GNAT2: variants seen among roughly 807,000 people sequenced by gnomAD.
GNAT2 encodes G protein subunit alpha transducin 2.
Under a neutral mutation model 40.9 loss-of-function variants are expected in GNAT2, and 32 were observed. The ratio of observed to expected loss-of-function variants is 0.78; its 90% CI spans 0.59 to 1.05. The LOEUF (loss-of-function observed/expected upper bound fraction) is 1.05. GNAT2 is among the 50% of genes least tolerant of loss of function. The probability of loss-of-function intolerance (pLI) is 0.00; values close to 1 mark genes in which losing one functional copy is unlikely to be tolerated. For missense variants in GNAT2, 355 were observed against 431.5 expected, an observed-to-expected ratio of 0.82 and a Z score of 1.57; for synonymous variants, 141 against 157.2, an observed-to-expected ratio of 0.90 and a Z score of 0.77.
chr1:109,606,275 T>C (rs1323544797), intron 6 of GNAT2, 33 bp downstream of exon 6: 2 of 1,611,564 alleles, frequency 1.2e-6, no homozygotes, highest in African/African-American at 2.7e-5. Flanking sequence ...TCCACACGTG[T>C]ATCCGAGATG....
At chr1:109,606,462 G>A in intron 5 of GNAT2, 26 bp from the exon 6 acceptor site, 1 of 1,608,994 alleles carries the variant, frequency 6.2e-7, no homozygotes, top group South Asian at 1.1e-5. Context: ...TAGCATCAAT[G>A]ACAAATTTTC....
chr1:109,603,601 G>T, intron 8 of GNAT2, 57 bp from the exon 9 acceptor site: 1 of 1,151,982 alleles, frequency 8.7e-7, no homozygotes, highest in South Asian at 1.2e-5. Flanking sequence ...GTTAGTTGCT[G>T]ACTCACTTTA....
Position 109,603,231 on chromosome 1 carries a change from A to G in GNAT2, c.*123T>C. On this transcript the variant is annotated 3_prime_UTR_variant, in exon 9 of 9. Coordinates refer to ENST00000679935, the MANE Select transcript of GNAT2 (RefSeq NM_001377295.2). The stretch of plus-strand genomic sequence containing the variant: ...GTATGAAATACAGTTGCAGTCATGT[A>G]TACTCCATCTCCAAAGAATGGATTC... 4.2e-6 allele frequency: 3 copies of G among 710,862 alleles called. No individual in the cohort carries two copies. The South Asian group carries it at 4.5e-5, about 11-fold the overall frequency. The allele number at this position is 710,862 out of a possible 1,614,324, so 44.0% of individuals were successfully genotyped here. A position where few individuals can be genotyped will look rare whatever the true frequency, so the allele number is the denominator to read the frequency against.
Position 109,610,198 on chromosome 1 carries a change from C to G in GNAT2, c.162-17G>C, listed in dbSNP as rs375448326. On this transcript the variant is annotated splice_polypyrimidine_tract_variant and intron_variant, in intron 3 of 8. Coordinates refer to ENST00000679935, the MANE Select transcript of GNAT2 (RefSeq NM_001377295.2). ...TGAATGATCCTGCAAGGGGCAGACA[C>G]TCTGTCTTTAGCTGGACCTGAGTAA... 1.9e-6 allele frequency: 3 copies of G among 1,613,684 alleles called. No individual in the cohort carries two copies. Among genetic ancestry groups the G allele is most frequent in the Non-Finnish European group, 2.5e-6 (3 of 1,179,758 alleles).
chr1:109,606,971 T>G (rs866038044), intron 5 of GNAT2: 1 of 161,170 alleles, frequency 6.2e-6, no homozygotes, highest in Non-Finnish European at 1.4e-5. Context: ...ATTTTAGAGA[T>G]CCATAATGAC....
rs1277159544 is a variant in GNAT2, at chr1:109,610,186, A to G, written c.162-5T>C. On this transcript the variant is annotated splice_polypyrimidine_tract_variant and splice_region_variant and intron_variant, in intron 3 of 8. Transcript: ENST00000679935. ...TAGCCATCCTGGTGAATGATCCTGC[A>G]AGGGGCAGACACTCTGTCTTTAGCT... 8 of 1,614,026 alleles carry G rather than the reference A, an allele frequency of 5.0e-6. No individual in the cohort carries two copies. Among genetic ancestry groups the G allele is most frequent in the Non-Finnish European group, 5.1e-6 (6 of 1,179,882 alleles).
rs559257719 is a variant in GNAT2 at position 109,617,744 on chromosome 1, A to C, written c.-54+1739T>G. On this transcript the variant is annotated intron_variant, in intron 1 of 8. Transcript: ENST00000679935. ...GGGTGGAGGGCAAGGATTGCCACCT[A>C]TTGGCTGCTGAGGTAGGTAGGTCTG... The C allele has an allele frequency of 2.0e-5, 3 of 152,412 alleles. No homozygotes were observed. In the South Asian group the frequency reaches 6.2e-4, roughly 32 times the overall value. The allele number at this position is 152,412 out of a possible 1,614,324, so 9.4% of individuals were successfully genotyped here. A position where few individuals can be genotyped will look rare whatever the true frequency, so the allele number is the denominator to read the frequency against.
At chr1:109,603,604 T>C (rs1368557849) in intron 8 of GNAT2, 60 bp from the exon 9 acceptor site, 5 of 1,085,776 alleles carry the variant, frequency 4.6e-6, no homozygotes, top group Non-Finnish European at 7.1e-6. Context: ...AGTTGCTGAC[T>C]CACTTTAGGT....
Position 109,603,854 on chromosome 1 carries a change from C to T in GNAT2, c.874+97G>A, listed in dbSNP as rs561269336. 760 of 919,098 alleles carry T rather than the reference C, an allele frequency of 8.3e-4. 2 individuals are homozygous for T. Among genetic ancestry groups the T allele is most frequent in the Middle Eastern group, 3.5e-3 (11 of 3,148 alleles). The allele number at this position is 919,098 out of a possible 1,614,324, so 56.9% of individuals were successfully genotyped here. The stretch of plus-strand genomic sequence containing the variant: ...ACCCTGTAACTGTGCCCAAGGTTCT[C>T]CCTTAAGTTCCTTTGTGTCATCTTG... On this transcript the variant is annotated intron_variant, in intron 8 of 8. Transcript: ENST00000679935.
In GNAT2 at chr1:109,603,447, G is replaced by A; in HGVS notation, c.972C>T (p.Thr324=). 1.3e-6 allele frequency: 2 copies of A among 1,594,688 alleles called. No homozygotes were observed. The highest frequency in any genetic ancestry group is 2.2e-5 in the East Asian group (1 of 44,778). ...KDVKEIYSHM[T]CATDTQNVKF... ...TGACATTCTGTGTATCTGTAGCACA[G>A]GTCATGTGACTGTAGATTTCTTTGA... Residue 324 remains threonine, a synonymous_variant, in exon 9 of 9, where the codon ACC becomes ACT. Coordinates refer to ENST00000679935, the MANE Select transcript of GNAT2 (RefSeq NM_001377295.2).
chr1:109,606,921 A>C (rs992838655), intron 5 of GNAT2: 2 of 178,426 alleles, frequency 1.1e-5, no homozygotes, highest in African/African-American at 4.8e-5. Flanking sequence ...ATTGTTAACT[A>C]TTTGGGTGTG....
rs759662860 is a variant in GNAT2 at position 109,603,520 on chromosome 1, C to T, written c.899G>A (p.Gly300Glu). 2.5e-6 allele frequency: 4 copies of T among 1,610,048 alleles called. No individual in the cohort carries two copies. Among genetic ancestry groups the T allele is most frequent in the Non-Finnish European group, 3.4e-6 (4 of 1,176,426 alleles). ...AAGGAACTGGCTCTTTATGTAATTC[C>T]CCGCATCATCATAGGAGTTGTTACC... ...YDGNNSYDDA[G>E]NYIKSQFLDL... Residue 300 changes from glycine (G) to glutamate (E), a missense_variant, in exon 9 of 9, where the codon GGG (glycine) becomes GAG (glutamate). Gly to Glu is a moderately conservative substitution (Grantham distance 98). Transcript: ENST00000679935.
At position 109,610,150 on chromosome 1, in the gene GNAT2, C is replaced by A; in HGVS notation, c.193G>T (p.Glu65Ter). ...IIHQDGYSPE[E>*]CLEFKAIIYG... is the part of the protein sequence containing the mutation. Reference sequence around the variant, plus strand: ...ATGATAGCCTTGAACTCCAGGCATTCTTCTGGTGAATAGCCATCCTGGTGA... The same window carrying A: ...ATGATAGCCTTGAACTCCAGGCATTATTCTGGTGAATAGCCATCCTGGTGA... The change falls in exon 4 of 9, where the codon GAA (glutamate) becomes TAA (stop). Residue 65 changes from glutamate (E) to a stop codon, truncating the protein, a stop_gained. Transcript: ENST00000679935. LOFTEE classifies it high-confidence loss of function. 1 of 1,614,032 alleles carries A rather than the reference C, an allele frequency of 6.2e-7. No individual in the cohort carries two copies. Among genetic ancestry groups the A allele is most frequent in the East Asian group, 2.2e-5 (1 of 44,870 alleles).
intron 1 of GNAT2, chr1:109,614,056 C>G (rs1013026010): frequency 2.6e-5 from 4 of 152,340 alleles, no homozygotes; most frequent in Non-Finnish European, 4.4e-5. Flanking sequence ...ATGAGTGTTG[C>G]TGGCGGAGCC....
chr1:109,612,580 G>A, intron 2 of GNAT2, 173 bp downstream of exon 2: 1 of 671,902 alleles, frequency 1.5e-6, no homozygotes, highest in Non-Finnish European at 2.7e-6. Context: ...TGGCTGTTTA[G>A]GCCCCATATT....
rs748179055 is a variant in GNAT2 at position 109,605,953 on chromosome 1, A to T, written c.720+17T>A. On this transcript the variant is annotated intron_variant, in intron 7 of 8. Transcript: ENST00000679935. Reference sequence around the variant, plus strand: ...GAACTTGTTCTACCAAAGCTGCTTGATGCAAAGGCCACTCACCACTTCGTC... The same window carrying T: ...GAACTTGTTCTACCAAAGCTGCTTGTTGCAAAGGCCACTCACCACTTCGTC... The T allele has an allele frequency of 6.2e-7, 1 of 1,612,050 alleles. No homozygotes were observed. The highest frequency in any genetic ancestry group is 8.5e-7 in the Non-Finnish European group (1 of 1,178,610).
Position 109,604,123 on chromosome 1 carries a change from A to G in GNAT2, c.721-19T>C, listed in dbSNP as rs372583779. The G allele has an allele frequency of 1.4e-5, 22 of 1,595,904 alleles. No homozygotes were observed. Among genetic ancestry groups the G allele is most frequent in the Non-Finnish European group, 1.8e-5 (21 of 1,164,402 alleles). On this transcript the variant is annotated intron_variant, in intron 7 of 8. Transcript: ENST00000679935. The stretch of plus-strand genomic sequence containing the variant: ...TACGATTCTAGTAAGAGGAAACACC[A>G]TTGGAAATATCAGATTTGGCTTATA...
In GNAT2 at chr1:109,612,577, T is replaced by A. The variant is rs535531844; in HGVS notation, c.118+176A>T. ...TTCTGGATCCCCTTGGGGTGGCTGT[T>A]TAGGCCCCATATTAACTCAGCTCTA... is the stretch of plus-strand genomic sequence containing the variant. On this transcript the variant is annotated intron_variant, in intron 2 of 8. Coordinates refer to ENST00000679935, the MANE Select transcript of GNAT2 (RefSeq NM_001377295.2). 2.1e-4 allele frequency: 140 copies of A among 667,112 alleles called. 1 individual carries two copies. The highest frequency in any genetic ancestry group is 3.9e-4 in the Middle Eastern group (1 of 2,546). The allele number at this position is 667,112 out of a possible 1,614,324, so 41.3% of individuals were successfully genotyped here.
At chr1:109,603,872 T>C in intron 8 of GNAT2, 79 bp downstream of exon 8, 1 of 1,068,292 alleles carries the variant, frequency 9.4e-7, no homozygotes, top group South Asian at 1.3e-5. Flanking sequence ...TTCCTTTGTG[T>C]CATCTTGGCC....
Sources: allele counts gnomAD v4.1 joint callset, GRCh38; gene constraint gnomAD v4.1.1; transcripts MANE v1.5; gene names NCBI Gene and HGNC (gene_info 2026-07-23, HGNC 2026-07-21).